PARM1: variants seen among roughly 807,000 people sequenced by gnomAD.
PARM1 encodes the protein prostate androgen-regulated mucin-like protein 1.
In PARM1, 14 loss-of-function variants were observed where a neutral mutation model predicts 24.6. The ratio of observed to expected loss-of-function variants is 0.57; its 90% CI spans 0.38 to 0.89. The LOEUF is 0.89. Among genes scored for constraint, PARM1 ranks in the 40% least tolerant of loss-of-function variants. PARM1 has a pLI of 0.00. For missense variants in PARM1, 362 were observed against 380.4 expected (o/e 0.95, Z 0.40); for synonymous variants, 179 against 156.6 (o/e 1.14, Z -1.07).
chr4:75,028,078 C>T (rs977840875), intron 2 of PARM1, among the ~76,000 whole-genome samples: 4 of 152,206 alleles, frequency 2.6e-5, no homozygotes, highest in African/African-American at 9.7e-5. Flanking sequence ...AACAAGAATA[C>T]CTACTTTCTC....
chr4:74,976,606 A>G (rs999156755), intron 1 of PARM1, among the ~76,000 whole-genome samples: 1 of 152,232 alleles, frequency 6.6e-6, no homozygotes, highest in Non-Finnish European at 1.5e-5. Flanking sequence ...GGGCAGCCAG[A>G]GTACATTAAG....
intron 1 of PARM1, among the ~76,000 whole-genome samples, chr4:74,942,865 G>C (rs186377743): frequency 1.3e-5 from 2 of 152,018 alleles, no homozygotes; most frequent in Non-Finnish European, 2.9e-5. Context: ...CCCTGTAATG[G>C]CTCCTCTTTG....
chr4:74,998,261 G>T (rs1722612659), intron 1 of PARM1, among the ~76,000 whole-genome samples: 1 of 152,198 alleles, frequency 6.6e-6, no homozygotes, highest in South Asian at 2.1e-4. Context: ...GTGGCTGTGT[G>T]TACCCAAGTA....
chr4:74,936,658 T>C (rs1721198777), intron 1 of PARM1, among the ~76,000 whole-genome samples: 1 of 151,908 alleles, frequency 6.6e-6, no homozygotes, highest in Non-Finnish European at 1.5e-5. Context: ...GGTTTCACCG[T>C]GTTAGCTAGG....
chr4:74,951,040 G>C (rs1459890112), intron 1 of PARM1, among the ~76,000 whole-genome samples: 1 of 152,230 alleles, frequency 6.6e-6, no homozygotes, highest in Non-Finnish European at 1.5e-5. Context: ...CTAAATTGAT[G>C]GGACTTTAAT....
rs915029858 is a variant in PARM1, at chr4:75,049,958, A to G, written c.*3711A>G. The G allele has an allele frequency of 4.6e-5, 7 of 152,000 alleles. No individual in the cohort carries two copies. The highest frequency in any genetic ancestry group is 1.5e-4 in the African/African-American group (6 of 41,050). 9.4% of individuals were successfully genotyped at this position (152,000 alleles called of 1,614,324 possible). On this transcript the variant is annotated 3_prime_UTR_variant, in exon 4 of 4. Coordinates refer to ENST00000307428, the MANE Select transcript of PARM1 (RefSeq NM_015393.4). ...GGTAATAATGCTAACCAAGAGATCAATGCCAGATTTTTCTCTTGGGGTAAG... is the reference window on the plus strand; with the variant it reads ...GGTAATAATGCTAACCAAGAGATCAGTGCCAGATTTTTCTCTTGGGGTAAG...
In PARM1 at chr4:75,049,323, A is replaced by G. The variant is rs1723672667; in HGVS notation, c.*3076A>G. ...TGTGAGGATTAATAAAATTATGTCT[A>G]TGGTATTTTCAGTTTCTGGAGAAAA... On this transcript the variant is annotated 3_prime_UTR_variant, in exon 4 of 4. Coordinates refer to ENST00000307428, the MANE Select transcript of PARM1 (RefSeq NM_015393.4). The G allele has an allele frequency of 6.6e-6, 1 of 152,046 alleles. No homozygotes were observed. The highest frequency in any genetic ancestry group is 2.1e-4 in the South Asian group (1 of 4,816). 9.4% of individuals were successfully genotyped at this position (152,046 alleles called of 1,614,324 possible). A position where few individuals can be genotyped will look rare whatever the true frequency, so the allele number is the denominator to read the frequency against.
intron 1 of PARM1, among the ~76,000 whole-genome samples, chr4:74,984,150 A>T (rs1186789526): frequency 6.6e-6 from 1 of 152,204 alleles, no homozygotes; most frequent in Non-Finnish European, 1.5e-5. Context: ...TCCTGTGAGG[A>T]GAAACCATTC....
At chr4:74,934,322 T>A (rs1049589094) in intron 1 of PARM1, among the ~76,000 whole-genome samples, 25 of 152,292 alleles carry the variant, frequency 1.6e-4, no homozygotes, top group African/African-American at 5.8e-4. Flanking sequence ...GCCACTGGCA[T>A]TTTCAGTTTA....
At chr4:74,994,026 C>G (rs1449081907) in intron 1 of PARM1, 1 of 152,052 alleles carries the variant, frequency 6.6e-6, no homozygotes, top group Non-Finnish European at 1.5e-5. Flanking sequence ...GAGGACCCAG[C>G]AACAGAATCA....
intron 1 of PARM1, among the ~76,000 whole-genome samples, chr4:74,959,006 C>T (rs1478032823): frequency 6.6e-6 from 1 of 152,182 alleles, no homozygotes; most frequent in African/African-American, 2.4e-5. Flanking sequence ...ACACAAAACT[C>T]TCTGTAATGA....
At chr4:74,987,068 A>T (rs934552515) in intron 1 of PARM1, among the ~76,000 whole-genome samples, 1 of 152,224 alleles carries the variant, frequency 6.6e-6, no homozygotes, top group African/African-American at 2.4e-5. Flanking sequence ...TAAATGTTCA[A>T]TATTATTAGT....
At chr4:75,029,910 G>T (rs1723245548) in intron 2 of PARM1, among the ~76,000 whole-genome samples, 1 of 151,966 alleles carries the variant, frequency 6.6e-6, no homozygotes, top group South Asian at 2.1e-4. Flanking sequence ...TCTTTTTTAA[G>T]CTAAAAGTAT....
intron 1 of PARM1, among the ~76,000 whole-genome samples, chr4:74,943,101 C>T (rs1267105323): frequency 6.6e-6 from 1 of 152,190 alleles, no homozygotes; most frequent in Non-Finnish European, 1.5e-5. Context: ...TCAAATGTCA[C>T]CTTCTCAATG....
chr4:74,997,692 T>C (rs901571810), intron 1 of PARM1: 2 of 152,142 alleles, frequency 1.3e-5, no homozygotes, highest in African/African-American at 4.8e-5. Context: ...GATATTCAGA[T>C]TTGAGACTCA....
intron 2 of PARM1, among the ~76,000 whole-genome samples, chr4:75,027,767 T>C (rs1407580221): frequency 6.6e-6 from 1 of 152,248 alleles, no homozygotes; most frequent in Non-Finnish European, 1.5e-5. Context: ...ATTTGAATTA[T>C]TGAGCTTCAT....
rs910919427 is a variant in PARM1, at chr4:75,037,862, A to G, written c.848+3901A>G. On this transcript the variant is annotated intron_variant, in intron 3 of 3. Transcript: ENST00000307428. Reference sequence around the variant, plus strand: ...GTTGTTTTAAAGACGAAATGAAGTAATGAATGCAGAGTAACTGGAGAGACT... The same window carrying G: ...GTTGTTTTAAAGACGAAATGAAGTAGTGAATGCAGAGTAACTGGAGAGACT... Among the ~76,000 whole-genome samples, 17 of 152,350 alleles carry G rather than the reference A, an allele frequency of 1.1e-4. No individual in the cohort carries two copies. In the South Asian group the frequency reaches 1.2e-3, roughly 11 times the overall value.
At chr4:74,959,573 A>AT (rs2109988444) in intron 1 of PARM1, among the ~76,000 whole-genome samples, 1 of 152,332 alleles carries the variant, frequency 6.6e-6, no homozygotes, top group African/African-American at 2.4e-5. Context: ...ACTGATAGAT[A>AT]TTTTAGTTCC....
In PARM1 at chr4:74,963,028, A is replaced by C. The variant is rs539635925; in HGVS notation, c.43+29658A>C. On this transcript the variant is annotated intron_variant, in intron 1 of 3. Coordinates refer to ENST00000307428, the MANE Select transcript of PARM1 (RefSeq NM_015393.4). ...GAGTCTCACAAGATCTGATGGTTTTATAAGCGTCTGGCATTTTCTCTGCTA... is the reference window on the plus strand; with the variant it reads ...GAGTCTCACAAGATCTGATGGTTTTCTAAGCGTCTGGCATTTTCTCTGCTA... 7.2e-5 allele frequency among the ~76,000 whole-genome samples: 11 copies of C among 152,336 alleles called. No homozygotes were observed. In the East Asian group the frequency reaches 1.9e-3, roughly 27 times the overall value.
Sources: allele counts gnomAD v4.1 joint callset (sites outside exome capture counted in the v4.1 genomes callset), GRCh38; gene constraint gnomAD v4.1.1; transcripts MANE v1.5; gene names NCBI Gene and HGNC (gene_info 2026-07-23, HGNC 2026-07-21).